RAB27A: variants seen among roughly 807,000 people sequenced by gnomAD.
RAB27A encodes the protein ras-related protein Rab-27A.
RAB27A carries 17 observed loss-of-function variants against 20.8 expected under a neutral mutation model. The ratio of observed to expected loss-of-function variants is 0.82; its 90% confidence interval spans 0.56 to 1.23. The LOEUF is 1.23. Ranked by LOEUF, RAB27A falls within the 50% of genes most tolerant of loss-of-function variation. The pLI is 0.00. For synonymous variants in RAB27A, 85 were observed against 92.8 expected (o/e 0.92, Z 0.48); for missense variants, 277 against 266.7 (o/e 1.04, Z -0.27).
At chr15:55,257,212 G>A (rs986927353) in intron 2 of RAB27A, among the ~76,000 whole-genome samples, 2 of 152,122 alleles carry the variant, frequency 1.3e-5, no homozygotes, top group African/African-American at 4.8e-5. Context: ...AGGGAAGGAT[G>A]ATGAGATTGG....
chr15:55,226,951 C>T (rs1365485439), intron 5 of RAB27A, among the ~76,000 whole-genome samples: 2 of 151,078 alleles, frequency 1.3e-5, no homozygotes, highest in Non-Finnish European at 3.0e-5. Flanking sequence ...AATAAAAGTA[C>T]AGATAATTAA....
chr15:55,257,104 CAA>C, intron 2 of RAB27A, among the ~76,000 whole-genome samples: 1 of 152,164 alleles, frequency 6.6e-6, no homozygotes, highest in East Asian at 1.9e-4. Context: ...GCCAGGAGGC[CAA>C]AATAATGTTG....
intron 6 of RAB27A, among the ~76,000 whole-genome samples, chr15:55,212,230 A>T (rs976861528): frequency 6.6e-6 from 1 of 152,202 alleles, no homozygotes; most frequent in African/African-American, 2.4e-5. Flanking sequence ...GAAAGATGAA[A>T]GGAACTTGCC....
At chr15:55,247,763 G>A (rs1389845063) in intron 2 of RAB27A, among the ~76,000 whole-genome samples, 1 of 152,102 alleles carries the variant, frequency 6.6e-6, no homozygotes, top group African/African-American at 2.4e-5. Flanking sequence ...ACATCCATGA[G>A]TTGGCAGTAA....
At position 55,304,411 on chromosome 15, in the gene RAB27A, A is replaced by G. The variant is rs571832105; in HGVS notation, c.-112+9628T>C. On this transcript the variant is annotated intron_variant, in intron 2 of 5. Transcript: ENST00000563262. ...CTGACCTTCCCTCCACTATTGTCCC[A>G]TGACCCTGCCAAATCCCCCTCTGTG... 4.8e-3 allele frequency among the ~76,000 whole-genome samples: 720 copies of G among 151,216 alleles called. 7 individuals are homozygous for G. The highest frequency in any genetic ancestry group is 0.017 in the African/African-American group (681 of 41,020).
At chr15:55,255,613 C>T (rs1014151131) in intron 2 of RAB27A, among the ~76,000 whole-genome samples, 1 of 152,164 alleles carries the variant, frequency 6.6e-6, no homozygotes, top group Non-Finnish European at 1.5e-5. Flanking sequence ...TTTGGGGACT[C>T]CACTGATAGC....
rs1312829293 is a variant in RAB27A, at chr15:55,303,598, C to T, written c.-112+10441G>A. On this transcript the variant is annotated intron_variant, in intron 2 of 5. Transcript: ENST00000563262. ...CCCCCGCCCGGCCAGCCGCCCCGTC[C>T]GGGAGGGAGGTGAGGGGGTCGGCCC... Among the ~76,000 whole-genome samples the T allele has an allele frequency of 1.5e-3, 143 of 93,604 alleles. 7 individuals are homozygous for T. In the East Asian group the frequency reaches 0.018, roughly 12 times the overall value. 61.4% of individuals were successfully genotyped at this position (93,604 alleles called of 152,430 possible).
chr15:55,304,612 C>G (rs1214264347), intron 2 of RAB27A, among the ~76,000 whole-genome samples: 1 of 152,130 alleles, frequency 6.6e-6, no homozygotes, highest in Non-Finnish European at 1.5e-5. Context: ...TGAAAACATA[C>G]CAATAGGTGC....
chr15:55,210,412 G>GTT (rs572160899), intron 6 of RAB27A, among the ~76,000 whole-genome samples: 2,327 of 127,962 alleles, frequency 0.018, 87 homozygotes, highest in African/African-American at 0.065. Context: ...TTTAGGTGTG[G>GTT]TTTTTTTTTT....
intron 1 of RAB27A, among the ~76,000 whole-genome samples, chr15:55,272,386 G>C (rs1595739135): frequency 6.6e-6 from 1 of 152,128 alleles, no homozygotes; most frequent in South Asian, 2.1e-4. Flanking sequence ...GTGACAGAGT[G>C]AGACTCCGTC....
At chr15:55,278,608 A>G (rs1169256068) in intron 1 of RAB27A, among the ~76,000 whole-genome samples, 3 of 151,138 alleles carry the variant, frequency 2.0e-5, no homozygotes, top group Non-Finnish European at 4.4e-5. Context: ...TCAGCCTCCC[A>G]AGTAGCTGGG....
At chr15:55,224,842 A>T (rs981808159) in intron 5 of RAB27A, among the ~76,000 whole-genome samples, 12 of 152,238 alleles carry the variant, frequency 7.9e-5, no homozygotes, top group Admixed American at 5.2e-4. Context: ...TTATTTTTTC[A>T]TCATGGTTAA....
chr15:55,214,233 G>A (rs1055255549), intron 6 of RAB27A, among the ~76,000 whole-genome samples: 4 of 149,360 alleles, frequency 2.7e-5, no homozygotes, highest in Non-Finnish European at 4.4e-5. Context: ...TCGGGAGATC[G>A]AGACCATCCT....
At chr15:55,285,424 C>A (rs1034619590) in intron 1 of RAB27A, among the ~76,000 whole-genome samples, 1 of 151,916 alleles carries the variant, frequency 6.6e-6, no homozygotes, top group Non-Finnish European at 1.5e-5. Context: ...AGACCTCAAT[C>A]ATACAAGTAC....
chr15:55,230,867 C>T (rs755264338), intron 3 of RAB27A, among the ~76,000 whole-genome samples: 1 of 151,970 alleles, frequency 6.6e-6, no homozygotes, highest in Non-Finnish European at 1.5e-5. Flanking sequence ...AGGCTTGTTA[C>T]GTAGATAGAT....
chr15:55,248,246 C>A (rs1159426084), intron 2 of RAB27A, among the ~76,000 whole-genome samples: 2 of 152,162 alleles, frequency 1.3e-5, no homozygotes, highest in Non-Finnish European at 2.9e-5. Context: ...CCCTACCACA[C>A]CCCATGCTGT....
chr15:55,315,697 CAAT>C (rs1462476292), intron 1 of RAB27A, among the ~76,000 whole-genome samples: 1 of 152,178 alleles, frequency 6.6e-6, no homozygotes. Flanking sequence ...ATCAAAACCA[CAAT>C]GAGATACCAT....
rs1472655424 is a variant in RAB27A at position 55,205,523 on chromosome 15, C to G, written c.650G>C (p.Gly217Ala). Reference protein sequence around the residue: ...TDQLSEEKEKGACGC With the variant: ...TDQLSEEKEKAACGC Reference sequence around the variant, plus strand: ...CTTGACTTCTCAACAGCCACATGCCCCTTTCTCCTTTTCTTCACTTAACTG... The same window carrying G: ...CTTGACTTCTCAACAGCCACATGCCGCTTTCTCCTTTTCTTCACTTAACTG... The change falls in exon 7 of 7, where the codon GGG becomes GCG. Residue 217 changes from glycine to alanine, a missense_variant. By Grantham distance (60) the Gly-to-Ala change is moderately conservative. Coordinates refer to ENST00000336787, the MANE Select transcript of RAB27A (RefSeq NM_183235.3). 4 of 1,614,150 alleles carry G rather than the reference C, an allele frequency of 2.5e-6. No individual in the cohort carries two copies. The highest frequency in any genetic ancestry group is 3.4e-6 in the Non-Finnish European group (4 of 1,180,028).
chr15:55,222,610 A>G (rs772724100), intron 6 of RAB27A, among the ~76,000 whole-genome samples: 1 of 152,068 alleles, frequency 6.6e-6, no homozygotes, highest in Non-Finnish European at 1.5e-5. Flanking sequence ...TACCTGGCCA[A>G]CCTATCCTCC....
Sources: gnomAD v4.1 joint callset for allele counts (sites outside exome capture counted in the v4.1 genomes callset) on GRCh38, gnomAD v4.1.1 for gene constraint, MANE v1.5 for transcripts, NCBI Gene and HGNC (gene_info 2026-07-23, HGNC 2026-07-21) for gene names.